Variants in ARHGAP10 observed in about 807,000 individuals in gnomAD.
ARHGAP10 encodes rho GTPase-activating protein 10.
In ARHGAP10, 87 loss-of-function variants were observed where a neutral mutation model predicts 108.6. The observed-to-expected ratio is 0.80, with a 90% confidence interval of 0.67 to 0.96. The LOEUF (loss-of-function observed/expected upper bound fraction) is 0.96, where lower values mean the gene tolerates loss of function less well. Among genes scored for constraint, ARHGAP10 ranks in the 40% least tolerant of loss-of-function variants. The pLI is 0.00. For synonymous variants in ARHGAP10, 347 were observed against 341.1 expected (o/e 1.02, Z -0.19); for missense variants, 939 against 954.5 (o/e 0.98, Z 0.21).
At chr4:147,871,254 G>A (rs186964841) in intron 7 of ARHGAP10, among the ~76,000 whole-genome samples, 60 of 152,184 alleles carry the variant, frequency 3.9e-4, no homozygotes, top group Admixed American at 1.2e-3. Context: ...CACCACGTCC[G>A]GCCGTGTGTG....
chr4:147,971,192 G>T (rs1188551484), intron 18 of ARHGAP10, among the ~76,000 whole-genome samples: 1 of 152,086 alleles, frequency 6.6e-6, no homozygotes, highest in African/African-American at 2.4e-5. Context: ...GGTGGCAAAG[G>T]GTGCTGTGAA....
chr4:147,777,280 A>G (rs181260962), intron 1 of ARHGAP10, among the ~76,000 whole-genome samples: 2,197 of 145,002 alleles, frequency 0.015, 20 homozygotes, highest in Middle Eastern at 0.038. Context: ...TTTTTTTTAG[A>G]CGGAGTCTCA....
intron 13 of ARHGAP10, 119 bp downstream of exon 13, chr4:147,913,258 A>T: frequency 1.2e-6 from 1 of 833,502 alleles, no homozygotes; most frequent in Non-Finnish European, 2.0e-6. Context: ...ACAAATGCTC[A>T]TTCTGAGTAT....
At chr4:147,859,057 T>C (rs1017912383) in intron 5 of ARHGAP10, among the ~76,000 whole-genome samples, 1 of 152,194 alleles carries the variant, frequency 6.6e-6, no homozygotes, top group African/African-American at 2.4e-5. Context: ...CTATATGTTC[T>C]GCACCCAACC....
At chr4:147,745,853 C>T (rs1728894810) in intron 1 of ARHGAP10, among the ~76,000 whole-genome samples, 1 of 143,494 alleles carries the variant, frequency 7.0e-6, no homozygotes, top group South Asian at 2.3e-4. Flanking sequence ...GTGGCGTGAT[C>T]TCGGTTCACG....
chr4:147,915,721 A>G (rs1207140632), intron 13 of ARHGAP10, among the ~76,000 whole-genome samples: 1 of 152,202 alleles, frequency 6.6e-6, no homozygotes. Context: ...TTTCCCCCCA[A>G]AGGTCTTCCA....
chr4:147,997,238 G>A lies in ARHGAP10; in HGVS notation c.1717-26025G>A, dbSNP rs551387866. On this transcript the variant is annotated intron_variant, in intron 18 of 22. Transcript: ENST00000336498. ...AATACCCAGTGTGGAATCTACAAAC[G>A]TATTGCAGCAGGAGGGAAAAATGTA... Among the ~76,000 whole-genome samples, 370 of 152,308 alleles carry A rather than the reference G, an allele frequency of 2.4e-3. 1 individual carries two copies. The highest frequency in any genetic ancestry group is 4.2e-3 in the Non-Finnish European group (289 of 68,034).
chr4:147,750,749 G>A (rs1244264479), intron 1 of ARHGAP10, among the ~76,000 whole-genome samples: 2 of 151,378 alleles, frequency 1.3e-5, no homozygotes, highest in African/African-American at 4.9e-5. Flanking sequence ...CTACAGTCAC[G>A]CACCACCACG....
chr4:147,903,054 C>CT (rs1024323010), intron 10 of ARHGAP10, among the ~76,000 whole-genome samples: 2 of 152,244 alleles, frequency 1.3e-5, no homozygotes, highest in African/African-American at 4.8e-5. Context: ...CCTTCTCCAA[C>CT]TTTGGGAATT....
At chr4:147,902,345 A>G (rs1736284040) in intron 10 of ARHGAP10, among the ~76,000 whole-genome samples, 1 of 152,192 alleles carries the variant, frequency 6.6e-6, no homozygotes, top group South Asian at 2.1e-4. Flanking sequence ...CTTTAGTGGC[A>G]CTTAGGATAA....
intron 16 of ARHGAP10, among the ~76,000 whole-genome samples, chr4:147,957,052 A>G (rs1560844602): frequency 6.6e-6 from 1 of 152,172 alleles, no homozygotes; most frequent in Non-Finnish European, 1.5e-5. Context: ...AGACAAGATC[A>G]TCACCTGTTG....
intron 7 of ARHGAP10, among the ~76,000 whole-genome samples, chr4:147,872,542 G>C (rs1738459644): frequency 6.6e-6 from 1 of 152,278 alleles, no homozygotes; most frequent in South Asian, 2.1e-4. Context: ...CTGCGCTATT[G>C]GATGTCTGCG....
At chr4:147,829,201 C>T (rs1732848185) in intron 3 of ARHGAP10, among the ~76,000 whole-genome samples, 1 of 152,072 alleles carries the variant, frequency 6.6e-6, no homozygotes, top group Non-Finnish European at 1.5e-5. Context: ...CACGCGGGTG[C>T]CACTATGTCC....
intron 18 of ARHGAP10, among the ~76,000 whole-genome samples, chr4:148,010,713 G>T (rs777522431): frequency 1.3e-5 from 2 of 152,080 alleles, no homozygotes; most frequent in East Asian, 1.9e-4. Context: ...ATTGTGGCCC[G>T]TAGTCCAACA....
intron 22 of ARHGAP10, among the ~76,000 whole-genome samples, chr4:148,071,177 TTGCAAAGGCC>T (rs1730159570): frequency 6.6e-6 from 1 of 152,252 alleles, no homozygotes; most frequent in Non-Finnish European, 1.5e-5. Flanking sequence ...GCCACTGCAC[TTGCAAAGGCC>T]TGGAGTTGCA....
chr4:147,825,558 T>G (rs948126460), intron 3 of ARHGAP10, among the ~76,000 whole-genome samples: 5 of 152,104 alleles, frequency 3.3e-5, no homozygotes, highest in Non-Finnish European at 7.4e-5. Flanking sequence ...CTGTAGAGGG[T>G]GTGTGAAGAC....
intron 13 of ARHGAP10, among the ~76,000 whole-genome samples, chr4:147,919,551 G>C (rs941941863): frequency 2.1e-5 from 3 of 146,058 alleles, no homozygotes; most frequent in Non-Finnish European, 3.0e-5. Context: ...AAATTACCTG[G>C]GATCTTTTAA....
rs116493319 is a variant in ARHGAP10 at position 147,937,442 on chromosome 4, G to C, written c.1229-2383G>C. Among the ~76,000 whole-genome samples, 334 of 152,240 alleles carry C rather than the reference G, an allele frequency of 2.2e-3. 1 individual carries two copies. Among genetic ancestry groups the C allele is most frequent in the African/African-American group, 7.3e-3 (305 of 41,536 alleles). On this transcript the variant is annotated intron_variant, in intron 13 of 22. Transcript: ENST00000336498. Reference sequence around the variant, plus strand: ...CACATTTGGAAGTACTGAGGATTAGGACGTCAACAGATGAATTTGTGGGGA... The same window carrying C: ...CACATTTGGAAGTACTGAGGATTAGCACGTCAACAGATGAATTTGTGGGGA...
intron 1 of ARHGAP10, among the ~76,000 whole-genome samples, chr4:147,776,497 G>A (rs1359286838): frequency 2.0e-5 from 3 of 152,192 alleles, no homozygotes; most frequent in Non-Finnish European, 4.4e-5. Flanking sequence ...CAGGATTACA[G>A]GCATGAGCTA....
Sources: gnomAD v4.1 joint callset for allele counts (sites outside exome capture counted in the v4.1 genomes callset) on GRCh38, gnomAD v4.1.1 for gene constraint, MANE v1.5 for transcripts, NCBI Gene and HGNC (gene_info 2026-07-23, HGNC 2026-07-21) for gene names.